Variants in INF2 observed in about 807,000 individuals in gnomAD.
The protein encoded by INF2 is inverted formin 2.
A neutral mutation model predicts 123.5 loss-of-function variants in INF2; 43 were observed. The ratio of observed to expected loss-of-function variants is 0.35; its 90% CI spans 0.27 to 0.45. The LOEUF (loss-of-function observed/expected upper bound fraction) is 0.45. Among genes scored for constraint, INF2 ranks in the 20% least tolerant of loss-of-function variants. The pLI, the probability that INF2 is intolerant of heterozygous loss-of-function variation, is 1.00. For synonymous variants in INF2, 851 were observed against 745.0 expected (o/e 1.14, Z -2.32); for missense variants, 1,453 against 1,682.7 (o/e 0.86, Z 2.39).
At position 104,714,794 on chromosome 14, in the gene INF2, G is replaced by T. The variant is rs754263906; in HGVS notation, c.3632G>T (p.Arg1211Leu). 5.3e-5 allele frequency: 84 copies of T among 1,596,648 alleles called. 5 individuals carry two copies. The South Asian group carries it at 8.8e-4, about 17-fold the overall frequency. Residue 1211 changes from arginine to leucine, a missense_variant, in exon 21 of 23, where the codon CGG becomes CTG. Physicochemically the swap from Arg to Leu is moderately radical, Grantham distance 102. Coordinates refer to ENST00000392634, the MANE Select transcript of INF2 (RefSeq NM_022489.4). The stretch of plus-strand genomic sequence containing the variant: ...GGGTCGGGCACACTCCCCAGGGCCC[G>T]GGGCCGGGCCTCAAAGGGGACCGGG... ...SSGSGTLPRARGRASKGTGKR... is the reference protein window; with the variant it reads ...SSGSGTLPRALGRASKGTGKR...
intron 1 of INF2, among the ~76,000 whole-genome samples, chr14:104,701,031 T>G (rs565950530): frequency 6.6e-6 from 1 of 152,226 alleles, no homozygotes; most frequent in South Asian, 2.1e-4. Flanking sequence ...TCCGGTCCCG[T>G]CACTCTGCAG....
At chr14:104,715,403 T>C (rs1240769966) in intron 22 of INF2, 63 bp downstream of exon 22, 28 of 1,450,600 alleles carry the variant, frequency 1.9e-5, no homozygotes, top group Non-Finnish European at 2.7e-5. Flanking sequence ...GGGCTGGAGC[T>C]TGCTGCCCAC....
chr14:104,707,253 C>A lies in INF2; in HGVS notation c.986C>A (p.Ala329Asp), dbSNP rs2140666754. ...VNRAVLLASD[A>D]QECTLEEVVE... ...TGACCCTGGACATCCCCTACTGCAGCCCAGGAATGCACCCTGGAGGAAGTG... is the reference window on the plus strand; with the variant it reads ...TGACCCTGGACATCCCCTACTGCAGACCAGGAATGCACCCTGGAGGAAGTG... The change falls in exon 8 of 23, where the codon GCC (alanine) becomes GAC (aspartate). Residue 329 changes from alanine to aspartate, a missense_variant and splice_region_variant. Transcript: ENST00000392634. 5 of 1,607,796 alleles carry A rather than the reference C, an allele frequency of 3.1e-6. No homozygotes were observed. The highest frequency in any genetic ancestry group is 4.2e-6 in the Non-Finnish European group (5 of 1,177,606).
At chr14:104,715,436 G>C in intron 22 of INF2, 96 bp downstream of exon 22, 1 of 1,171,080 alleles carries the variant, frequency 8.5e-7, no homozygotes, top group Non-Finnish European at 1.3e-6. Context: ...CACTAACCTG[G>C]CTTCTCTCCA....
chr14:104,687,759 T>G (rs574829390), upstream of INF2, among the ~76,000 whole-genome samples: 2 of 152,156 alleles, frequency 1.3e-5, no homozygotes, highest in African/African-American at 4.8e-5. The surrounding 1 kb of genome is among the most constrained non-coding windows in gnomAD (Gnocchi z 5.6). Context: ...CGCCCACACC[T>G]GACCTCCTAC....
intron 17 of INF2, 77 bp downstream of exon 17, chr14:104,712,630 C>G (rs1890106846): frequency 3.7e-5 from 59 of 1,600,288 alleles, no homozygotes; most frequent in Non-Finnish European, 5.0e-5. Context: ...GCTGTGCTGT[C>G]TCCTGGCTCC....
At chr14:104,689,588 C>A, upstream of INF2, 37 of 689,976 alleles carry the variant, frequency 5.4e-5, no homozygotes, top group Non-Finnish European at 6.4e-5. Flanking sequence ...ACCTCCTCTT[C>A]CTCCCGCCCG....
At position 104,684,219 on chromosome 14, in the gene INF2, G is replaced by A. The variant is rs994448667; in HGVS notation, c.-104+2637G>A. 75 of 444,976 alleles carry A rather than the reference G, an allele frequency of 1.7e-4. No homozygotes were observed. The highest frequency in any genetic ancestry group is 1.5e-3 in the Admixed American group (62 of 41,818). 27.6% of individuals were successfully genotyped at this position (444,976 alleles called of 1,614,324 possible). A position where few individuals can be genotyped will look rare whatever the true frequency, so the allele number is the denominator to read the frequency against. ...CTCCCACCAGACAACTGAGGCAACC[G>A]AGAAGGAGGCTGGGGAGGGACAGCT... On this transcript the variant is annotated intron_variant, in intron 1 of 2. Coordinates refer to the INF2 transcript ENST00000674723. The surrounding 1 kb of genome is among the most constrained non-coding windows in gnomAD (Gnocchi z 5.0).
intron 1 of INF2, among the ~76,000 whole-genome samples, chr14:104,696,882 C>G (rs1159107945): frequency 6.6e-6 from 1 of 152,080 alleles, no homozygotes; most frequent in African/African-American, 2.4e-5. Context: ...GCACCCAGCC[C>G]TGTGCCAGTG....
rs565063739 is a variant in INF2, at chr14:104,706,788, C to T, written c.844-122C>T. 357 of 1,129,332 alleles carry T rather than the reference C, an allele frequency of 3.2e-4. 1 individual carries two copies. In the African/African-American group the frequency reaches 4.9e-3, roughly 15 times the overall value. 70.0% of individuals were successfully genotyped at this position (1,129,332 alleles called of 1,614,324 possible). On this transcript the variant is annotated intron_variant, in intron 6 of 22. Transcript: ENST00000392634. The stretch of plus-strand genomic sequence containing the variant: ...GTACCACAGTCGCTGAAACTCTCAT[C>T]TCTAGGGATCCGTGGGAATAGAGGG...
chr14:104,712,762 AG>A, intron 17 of INF2, 65 bp from the exon 18 acceptor site: 3 of 1,521,804 alleles, frequency 2.0e-6, no homozygotes. Context: ...CCCGCAACTC[AG>A]GGCCTCACCC....
At chr14:104,688,101 C>T (rs532987229), upstream of INF2, among the ~76,000 whole-genome samples, 2 of 152,372 alleles carry the variant, frequency 1.3e-5, no homozygotes, top group African/African-American at 2.4e-5. Context: ...TGTGGAGGGC[C>T]GGAGGCCGGC....
At chr14:104,718,292 G>A (rs984095882) in intron 22 of INF2, among the ~76,000 whole-genome samples, 10 of 152,244 alleles carry the variant, frequency 6.6e-5, no homozygotes, top group African/African-American at 2.4e-4. Flanking sequence ...AGGGCGTTGG[G>A]GGCAGGAGGC....
Position 104,720,298 on chromosome 14 carries a change from G to T in INF2, c.*1505G>T. The T allele has an allele frequency of 6.0e-6, 1 of 166,102 alleles. No homozygotes were observed. The highest frequency in any genetic ancestry group is 1.3e-4 in the South Asian group (1 of 7,500). 10.3% of individuals were successfully genotyped at this position (166,102 alleles called of 1,614,324 possible). On this transcript the variant is annotated 3_prime_UTR_variant, in exon 23 of 23. Coordinates refer to ENST00000392634, the MANE Select transcript of INF2 (RefSeq NM_022489.4). ...TGGACATCTGGGTTGCTTCCAGTTT[G>T]GGGCTTCTGTGAATCCTGCTGCTGT...
rs1361387319 is a variant in INF2, at chr14:104,699,541, C to T, written c.-9-1816C>T. ...GAAGCCAGGGGAGCGTGAGGAGCAGCCCAGGACAGGGCCCAGAGTGGGTGG... is the reference window on the plus strand; with the variant it reads ...GAAGCCAGGGGAGCGTGAGGAGCAGTCCAGGACAGGGCCCAGAGTGGGTGG... On this transcript the variant is annotated intron_variant, in intron 1 of 22. Transcript: ENST00000392634. This position sits in a 1 kb window ranked among gnomAD's most constrained non-coding sequence, Gnocchi z 4.7. The T allele has an allele frequency of 8.1e-6, 8 of 985,236 alleles. No homozygotes were observed. The highest frequency in any genetic ancestry group is 8.4e-6 in the Non-Finnish European group (7 of 829,880). The allele number at this position is 985,236 out of a possible 1,614,324, so 61.0% of individuals were successfully genotyped here.
Position 104,712,914 on chromosome 14 carries a change from G to A in INF2, c.2697G>A (p.Glu899=). The A allele has an allele frequency of 1.2e-6, 2 of 1,612,752 alleles. No individual in the cohort carries two copies. Among genetic ancestry groups the A allele is most frequent in the Non-Finnish European group, 8.5e-7 (1 of 1,179,828 alleles). Residue 899 remains glutamate, a synonymous_variant, in exon 18 of 23, where the codon GAG becomes GAA. Coordinates refer to ENST00000392634, the MANE Select transcript of INF2 (RefSeq NM_022489.4). The part of the protein sequence containing the change: ...KQRELADYLC[E]DAQQLSLEDT... ...GGGAGCTGGCCGACTACCTGTGTGA[G>A]GACGCCCAGCAGCTGTCCCTGGAGG... is the stretch of plus-strand genomic sequence containing the variant.
At chr14:104,710,910 C>T (rs1330665110) in intron 13 of INF2, 27 bp from the exon 14 acceptor site, 1 of 1,607,594 alleles carries the variant, frequency 6.2e-7, no homozygotes, top group Non-Finnish European at 8.5e-7. Flanking sequence ...ACCAAGAGCC[C>T]CTCTCCAGCC....
intron 1 of INF2, among the ~76,000 whole-genome samples, chr14:104,697,889 G>GGT (rs1889265399): frequency 6.6e-6 from 1 of 152,170 alleles, no homozygotes; most frequent in African/African-American, 2.4e-5. Flanking sequence ...TGGACTGCCG[G>GGT]GGGGGGTGGA....
At chr14:104,681,829 C>A (rs539316548) in intron 1 of INF2, among the ~76,000 whole-genome samples, 1 of 152,232 alleles carries the variant, frequency 6.6e-6, no homozygotes, top group African/African-American at 2.4e-5. Context: ...CATGGCTGAC[C>A]CCTGGCCACA....
Sources: gnomAD v4.1 joint callset for allele counts (sites outside exome capture counted in the v4.1 genomes callset) on GRCh38, gnomAD v4.1.1 for gene constraint, Gnocchi (gnomAD v3.1) non-coding constraint, MANE v1.5 for transcripts, NCBI Gene and HGNC (gene_info 2026-07-23, HGNC 2026-07-21) for gene names.